The following ATAD5 variants were observed in gnomAD, a reference collection of about 807,000 sequenced individuals.
The protein encoded by ATAD5 is ATPase family AAA domain containing 5.
A neutral mutation model predicts 176.9 loss-of-function variants in ATAD5; 58 were observed. The ratio of observed to expected loss-of-function variants is 0.33; its 90% confidence interval spans 0.27 to 0.41. The LOEUF (loss-of-function observed/expected upper bound fraction) is 0.41. ATAD5 is among the 10% of genes least tolerant of loss of function. The probability of loss-of-function intolerance (pLI) is 1.00; values close to 1 mark genes in which losing one functional copy is unlikely to be tolerated. For missense variants in ATAD5, 1,789 were observed against 2,094.1 expected (o/e 0.85, Z 2.84); for synonymous variants, 640 against 712.6 (o/e 0.90, Z 1.62).
In ATAD5 at chr17:30,852,891, CT is replaced by C. The variant is rs534378483; in HGVS notation, c.2451-2237del. Among the ~76,000 whole-genome samples, 1,043 of 141,428 alleles carry C rather than the reference CT, an allele frequency of 7.4e-3. 7 individuals are homozygous for C. The highest frequency in any genetic ancestry group is 0.016 in the African/African-American group (630 of 38,782). 92.8% of individuals were successfully genotyped at this position (141,428 alleles called of 152,430 possible). On this transcript the variant is annotated intron_variant, in intron 6 of 22. Coordinates refer to ENST00000321990, the MANE Select transcript of ATAD5 (RefSeq NM_024857.5). ...CCAACATTGGAGGTTATATTTCTTTCTTTTTTTTTTTTTTTGAGACAGAATC... is the reference window on the plus strand; with the variant it reads ...CCAACATTGGAGGTTATATTTCTTTCTTTTTTTTTTTTTTGAGACAGAATC...
chr17:30,860,942 C>T (rs1029914083), intron 10 of ATAD5, among the ~76,000 whole-genome samples: 24 of 151,316 alleles, frequency 1.6e-4, no homozygotes, highest in Admixed American at 4.6e-4. Flanking sequence ...GAGTCTTGCA[C>T]GGTCGCCCGG....
rs116649350 is a variant in ATAD5 at position 30,838,759 on chromosome 17, A to G, written c.2076+1445A>G. Among the ~76,000 whole-genome samples, 388 of 152,242 alleles carry G rather than the reference A, an allele frequency of 2.5e-3. 2 individuals carry two copies. Among genetic ancestry groups the G allele is most frequent in the African/African-American group, 9.0e-3 (374 of 41,548 alleles). On this transcript the variant is annotated intron_variant, in intron 3 of 22. Coordinates refer to ENST00000321990, the MANE Select transcript of ATAD5 (RefSeq NM_024857.5). ...GCCTCATGTACTACTTAAAATTGGG[A>G]TTTAATAGTAAATTTTCCAGCAAGA...
rs376503585 is a variant in ATAD5, at chr17:30,857,048, G to T, written c.2729G>T (p.Gly910Val). The T allele has an allele frequency of 6.2e-5, 100 of 1,610,970 alleles. No individual in the cohort carries two copies. Among genetic ancestry groups the T allele is most frequent in the Non-Finnish European group, 8.1e-5 (95 of 1,179,364 alleles). Reference protein sequence around the residue: ...NTKVIDLSKCGIALGEFSTLN... With the variant: ...NTKVIDLSKCVIALGEFSTLN... Reference sequence around the variant, plus strand: ...AAAGTAATAGATCTCTCAAAATGTGGTATTGCTCTTGGTGAATTTTCAACA... The same window carrying T: ...AAAGTAATAGATCTCTCAAAATGTGTTATTGCTCTTGGTGAATTTTCAACA... Residue 910 changes from glycine (G) to valine (V), a missense_variant, in exon 8 of 23, where the codon GGT becomes GTT. Gly to Val is a moderately radical substitution (Grantham distance 109). Coordinates refer to ENST00000321990, the MANE Select transcript of ATAD5 (RefSeq NM_024857.5).
At chr17:30,860,359 A>G in intron 9 of ATAD5, 74 bp from the exon 10 acceptor site, 2 of 1,482,142 alleles carry the variant, frequency 1.3e-6, no homozygotes, top group Non-Finnish European at 1.8e-6. Context: ...ACTATTGGAT[A>G]CTTGGAAGTG....
At chr17:30,844,578 G>A (rs976812487) in intron 5 of ATAD5, among the ~76,000 whole-genome samples, 2 of 133,654 alleles carry the variant, frequency 1.5e-5, no homozygotes, top group African/African-American at 5.8e-5. Context: ...ACAGAGTCTT[G>A]CTCTACTAAA....
intron 19 of ATAD5, among the ~76,000 whole-genome samples, chr17:30,888,329 A>G (rs1909429091): frequency 6.6e-6 from 1 of 152,060 alleles, no homozygotes; most frequent in Admixed American, 6.6e-5. Context: ...AGGGGCATGG[A>G]TTCCTTGAGC....
chr17:30,885,623 CTTTTTTT>C (rs778733612), intron 18 of ATAD5, among the ~76,000 whole-genome samples: 4,446 of 94,074 alleles, frequency 0.047, 68 homozygotes, highest in African/African-American at 0.13. Flanking sequence ...TTCCAACTTT[CTTTTTTT>C]TTTTTTTTTT....
intron 4 of ATAD5, among the ~76,000 whole-genome samples, chr17:30,842,302 A>T (rs890364975): frequency 1.3e-4 from 19 of 151,934 alleles, no homozygotes; most frequent in South Asian, 8.3e-4. Context: ...AATAAATAAT[A>T]AATAAAATAA....
chr17:30,845,008 T>C (rs1380081374), intron 6 of ATAD5, 92 bp downstream of exon 6: 3 of 1,150,264 alleles, frequency 2.6e-6, no homozygotes, highest in African/African-American at 3.3e-5. Context: ...ATGTGAATTA[T>C]CATTTGAAGC....
chr17:30,870,732 G>A (rs1908288275), intron 14 of ATAD5, among the ~76,000 whole-genome samples: 1 of 152,002 alleles, frequency 6.6e-6, no homozygotes, highest in Non-Finnish European at 1.5e-5. Flanking sequence ...GAGTTTTTGT[G>A]TAGTTTAATT....
intron 6 of ATAD5, among the ~76,000 whole-genome samples, chr17:30,850,828 TATTTTTATATATATA>T (rs1384252052): frequency 8.1e-5 from 3 of 36,884 alleles, no homozygotes; most frequent in African/African-American, 2.3e-4. Context: ...TATATTTATA[TATTTTTATATATATA>T]TATATATATA....
chr17:30,834,115 A>C (rs1053818064), intron 1 of ATAD5, 33 bp from the exon 2 acceptor site: 5 of 1,463,800 alleles, frequency 3.4e-6, no homozygotes, highest in Non-Finnish European at 3.7e-6. Context: ...ATATTGCTTG[A>C]AATAAGTGCC....
chr17:30,880,159 C>G (rs1908927399), intron 18 of ATAD5, among the ~76,000 whole-genome samples: 1 of 151,662 alleles, frequency 6.6e-6, no homozygotes, highest in Non-Finnish European at 1.5e-5. Flanking sequence ...AAAAAATTAG[C>G]CAGGTGTGGT....
chr17:30,868,472 T>C, intron 12 of ATAD5, 60 bp downstream of exon 12: 1 of 1,137,270 alleles, frequency 8.8e-7, no homozygotes, highest in Non-Finnish European at 1.2e-6. Context: ...TAGAGTTACA[T>C]TAACTAAAAC....
intron 19 of ATAD5, among the ~76,000 whole-genome samples, chr17:30,888,794 G>GCAGT (rs924870276): frequency 3.3e-5 from 5 of 151,942 alleles, no homozygotes; most frequent in Non-Finnish European, 7.4e-5. Flanking sequence ...CAGGCTGGGT[G>GCAGT]CAGTGGCTCA....
chr17:30,841,766 A>G (rs1259224390), intron 4 of ATAD5, among the ~76,000 whole-genome samples: 4 of 152,068 alleles, frequency 2.6e-5, no homozygotes, highest in Non-Finnish European at 5.9e-5. Flanking sequence ...GGCTTCTATT[A>G]CTTAGGATGT....
At chr17:30,877,606 A>C in intron 16 of ATAD5, 57 bp downstream of exon 16, 1 of 1,501,274 alleles carries the variant, frequency 6.7e-7, no homozygotes, top group South Asian at 1.2e-5. Flanking sequence ...TACTTTAAAG[A>C]ATACTGTATG....
intron 4 of ATAD5, among the ~76,000 whole-genome samples, chr17:30,841,835 C>T (rs770178179): frequency 5.9e-5 from 9 of 152,154 alleles, no homozygotes; most frequent in Non-Finnish European, 1.3e-4. Context: ...CCAAATATCC[C>T]ATTCATCACC....
intron 17 of ATAD5, 72 bp from the exon 18 acceptor site, chr17:30,879,351 T>TAA: frequency 6.5e-7 from 1 of 1,535,552 alleles, no homozygotes; most frequent in Non-Finnish European, 8.9e-7. Flanking sequence ...TAGAAAAGTA[T>TAA]AACTTGAAAA....
Sources: gnomAD v4.1 joint callset for allele counts (sites outside exome capture counted in the v4.1 genomes callset) on GRCh38, gnomAD v4.1.1 for gene constraint, MANE v1.5 for transcripts, NCBI Gene and HGNC (gene_info 2026-07-23, HGNC 2026-07-21) for gene names.